The following MAP2K5 variants were observed in gnomAD, a reference collection of about 807,000 sequenced individuals.
The protein encoded by MAP2K5 is mitogen-activated protein kinase kinase 5, also known as dual specificity mitogen-activated protein kinase kinase 5.
MAP2K5 carries 49 observed loss-of-function variants against 83.1 expected under a neutral mutation model. The observed-to-expected ratio is 0.59, with a 90% confidence interval of 0.47 to 0.75. MAP2K5 has a LOEUF of 0.75. MAP2K5 is among the 30% of genes least tolerant of loss of function. The pLI is 0.00. For missense variants in MAP2K5, 457 were observed against 557.5 expected (o/e 0.82, Z 1.82); for synonymous variants, 202 against 191.8 (o/e 1.05, Z -0.44).
rs111999353 is a variant in MAP2K5 at position 67,647,270 on chromosome 15, C to T, written c.736+801C>T. Among the ~76,000 whole-genome samples, 487 of 152,202 alleles carry T rather than the reference C, an allele frequency of 3.2e-3. 4 individuals carry two copies. The highest frequency in any genetic ancestry group is 0.012 in the African/African-American group (478 of 41,510). On this transcript the variant is annotated intron_variant, in intron 11 of 21. Coordinates refer to ENST00000178640, the MANE Select transcript of MAP2K5 (RefSeq NM_145160.3). Reference sequence around the variant, plus strand: ...TACCTTGATACTGTCATAAGGTGTACAACATGCTCTAAATTAGTTATAGTA... The same window carrying T: ...TACCTTGATACTGTCATAAGGTGTATAACATGCTCTAAATTAGTTATAGTA...
intron 16 of MAP2K5, among the ~76,000 whole-genome samples, chr15:67,707,403 A>C (rs1046063204): frequency 2.0e-5 from 3 of 152,238 alleles, no homozygotes; most frequent in African/African-American, 7.2e-5. Flanking sequence ...AGCATTTTAG[A>C]ATCTGAGGAA....
At chr15:67,615,283 C>A (rs573020213) in intron 8 of MAP2K5, among the ~76,000 whole-genome samples, 21 of 152,300 alleles carry the variant, frequency 1.4e-4, no homozygotes, top group African/African-American at 5.1e-4. Context: ...TAGGTGTGAG[C>A]CACTGTGCCC....
Position 67,632,660 on chromosome 15 carries a change from CT to C in MAP2K5, c.585+1738del, listed in dbSNP as rs372037776. On this transcript the variant is annotated intron_variant, in intron 9 of 21. Transcript: ENST00000178640. ...TTTTCATGGTTCATCTCCAATATGCCTTTTTAGCTATCCACAGTGAGAAATT... is the reference window on the plus strand; with the variant it reads ...TTTTCATGGTTCATCTCCAATATGCCTTTTAGCTATCCACAGTGAGAAATT... Among the ~76,000 whole-genome samples, 42 of 152,278 alleles carry C rather than the reference CT, an allele frequency of 2.8e-4. 1 individual carries two copies. Among genetic ancestry groups the C allele is most frequent in the Admixed American group, 2.1e-3 (32 of 15,296 alleles).
intron 12 of MAP2K5, 36 bp downstream of exon 12, chr15:67,658,650 G>C: frequency 6.6e-7 from 1 of 1,505,144 alleles, no homozygotes; most frequent in Non-Finnish European, 9.2e-7. Flanking sequence ...AAATTTGAGT[G>C]ATTTAATCCT....
At chr15:67,584,063 A>G (rs755314675) in intron 4 of MAP2K5, among the ~76,000 whole-genome samples, 1 of 152,128 alleles carries the variant, frequency 6.6e-6, no homozygotes, top group Admixed American at 6.5e-5. Flanking sequence ...TTCTGATGTA[A>G]TAACATGTTC....
rs188526156 is a variant in MAP2K5, at chr15:67,736,103, G to A, written c.1074+8158G>A. ...CTCCTAGGTAACTTTTAAAGTCACC[G>A]TGGGAAGGAAGTAAGAAAAGGGAGG... On this transcript the variant is annotated intron_variant, in intron 17 of 21. Transcript: ENST00000178640. The surrounding 1 kb of genome is among the most constrained non-coding windows in gnomAD (Gnocchi z 4.3). Among the ~76,000 whole-genome samples the A allele has an allele frequency of 1.8e-4, 27 of 152,328 alleles. No homozygotes were observed. Among genetic ancestry groups the A allele is most frequent in the South Asian group, 4.1e-4 (2 of 4,830 alleles).
chr15:67,715,487 C>G (rs554511746), intron 16 of MAP2K5, among the ~76,000 whole-genome samples: 139 of 152,102 alleles, frequency 9.1e-4, no homozygotes, highest in Non-Finnish European at 1.6e-3. Context: ...TCAGAGCTGT[C>G]GGGAACAACC....
rs1277764857 is a variant in MAP2K5, at chr15:67,724,210, A to G, written c.1045-3706A>G. ...AAGTTTCCTAATTTATAATACCTTGACAATAAAAACTAGGGAAATGCAAGT... is the reference window on the plus strand; with the variant it reads ...AAGTTTCCTAATTTATAATACCTTGGCAATAAAAACTAGGGAAATGCAAGT... On this transcript the variant is annotated intron_variant, in intron 16 of 21. Transcript: ENST00000178640. The surrounding 1 kb of genome is among the most constrained non-coding windows in gnomAD (Gnocchi z 4.4). 6.6e-6 allele frequency among the ~76,000 whole-genome samples: 1 copy of G among 152,188 alleles called. No individual in the cohort carries two copies. The highest frequency in any genetic ancestry group is 2.4e-5 in the African/African-American group (1 of 41,442).
At chr15:67,688,945 T>C (rs1251428592) in intron 13 of MAP2K5, among the ~76,000 whole-genome samples, 1 of 152,246 alleles carries the variant, frequency 6.6e-6, no homozygotes, top group Admixed American at 6.5e-5. Context: ...AAATTTAATG[T>C]ATCATTTAAA....
At chr15:67,666,511 C>A (rs565505226) in intron 13 of MAP2K5, among the ~76,000 whole-genome samples, 1 of 152,218 alleles carries the variant, frequency 6.6e-6, no homozygotes, top group African/African-American at 2.4e-5. Context: ...TCACTATAAA[C>A]CACTTCATGA....
Position 67,658,614 on chromosome 15 carries a change from A to G in MAP2K5, c.798A>G (p.Ala266=). 6.2e-7 allele frequency: 1 copy of G among 1,610,052 alleles called. No individual in the cohort carries two copies. The highest frequency in any genetic ancestry group is 8.5e-7 in the Non-Finnish European group (1 of 1,177,104). Residue 266 remains alanine (A), a splice_region_variant and synonymous_variant, in exon 12 of 22, where the codon GCA becomes GCG. Coordinates refer to ENST00000178640, the MANE Select transcript of MAP2K5 (RefSeq NM_145160.3). ...PEHVLGRIAV[A]VVKGLTYLWS... ...ATGTCCTTGGAAGAATTGCAGTAGC[A>G]GTAAGTATATGGCTTCAGTGTTAGG...
rs184145327 is a variant in MAP2K5 at position 67,804,596 on chromosome 15, G to A, written c.1243-2050G>A. Among the ~76,000 whole-genome samples the A allele has an allele frequency of 5.1e-3, 779 of 152,332 alleles. 4 individuals carry two copies. The highest frequency in any genetic ancestry group is 6.6e-3 in the Non-Finnish European group (448 of 68,024). On this transcript the variant is annotated intron_variant, in intron 21 of 21. Coordinates refer to ENST00000178640, the MANE Select transcript of MAP2K5 (RefSeq NM_145160.3). ...CCGCCCTTCTGGAATGTGGAGGAACGCCTCTACGCTCCCTCCTGCAGTTCC... is the reference window on the plus strand; with the variant it reads ...CCGCCCTTCTGGAATGTGGAGGAACACCTCTACGCTCCCTCCTGCAGTTCC...
chr15:67,713,361 G>C (rs780112739), intron 16 of MAP2K5, among the ~76,000 whole-genome samples: 1 of 152,154 alleles, frequency 6.6e-6, no homozygotes, highest in Non-Finnish European at 1.5e-5. Flanking sequence ...TAGATATCAA[G>C]AAAATGAATT....
At chr15:67,580,178 A>G (rs2085149340) in intron 3 of MAP2K5, among the ~76,000 whole-genome samples, 1 of 152,194 alleles carries the variant, frequency 6.6e-6, no homozygotes, top group African/African-American at 2.4e-5. Context: ...GATCCGTACT[A>G]AAGTGTTTAT....
At chr15:67,639,152 G>A (rs1023281274) in intron 9 of MAP2K5, among the ~76,000 whole-genome samples, 4 of 152,134 alleles carry the variant, frequency 2.6e-5, no homozygotes, top group Admixed American at 1.3e-4. Flanking sequence ...CTAAAGAGCT[G>A]CACAGCAAAG....
Position 67,755,657 on chromosome 15 carries a change from G to A in MAP2K5, c.1134+7056G>A, listed in dbSNP as rs1057144268. On this transcript the variant is annotated intron_variant, in intron 19 of 21. Coordinates refer to ENST00000178640, the MANE Select transcript of MAP2K5 (RefSeq NM_145160.3). The surrounding 1 kb of genome is among the most constrained non-coding windows in gnomAD (Gnocchi z 4.7). ...TCCCTATTCATAATGATTCTTTTTA[G>A]TACCACCATAATGATGTGCATATGC... Among the ~76,000 whole-genome samples, 1 of 152,114 alleles carries A rather than the reference G, an allele frequency of 6.6e-6. No homozygotes were observed. Among genetic ancestry groups the A allele is most frequent in the Non-Finnish European group, 1.5e-5 (1 of 68,016 alleles).
At chr15:67,647,023 A>C (rs564766948) in intron 11 of MAP2K5, among the ~76,000 whole-genome samples, 1 of 152,290 alleles carries the variant, frequency 6.6e-6, no homozygotes, top group African/African-American at 2.4e-5. Flanking sequence ...ATTACGGCAA[A>C]ATACAGATTT....
chr15:67,619,403 T>C (rs1596659804), intron 8 of MAP2K5, among the ~76,000 whole-genome samples: 1 of 152,322 alleles, frequency 6.6e-6, no homozygotes, highest in East Asian at 1.9e-4. Flanking sequence ...TCTCATTTGT[T>C]CTCTGCTGTA....
At position 67,644,350 on chromosome 15, in the gene MAP2K5, C is replaced by T. The variant is rs570911587; in HGVS notation, c.586-1881C>T. On this transcript the variant is annotated intron_variant, in intron 9 of 21. Transcript: ENST00000178640. The surrounding 1 kb of genome is among the most constrained non-coding windows in gnomAD (Gnocchi z 4.6). ...CGGAGGTTGCAGTGAGCCAAGATCG[C>T]GCCACTACACTCCAGCCTGGGTGAC... 2.6e-4 allele frequency among the ~76,000 whole-genome samples: 40 copies of T among 152,056 alleles called. No individual in the cohort carries two copies. The highest frequency in any genetic ancestry group is 5.8e-4 in the African/African-American group (24 of 41,480).
Sources: gnomAD v4.1 joint callset for allele counts (sites outside exome capture counted in the v4.1 genomes callset) on GRCh38, gnomAD v4.1.1 for gene constraint, Gnocchi (gnomAD v3.1) non-coding constraint, MANE v1.5 for transcripts, NCBI Gene and HGNC (gene_info 2026-07-23, HGNC 2026-07-21) for gene names.